PDE4D: variants seen among roughly 807,000 people sequenced by gnomAD.
PDE4D encodes the protein 3',5'-cyclic-AMP phosphodiesterase 4D.
A neutral mutation model predicts 87.4 loss-of-function variants in PDE4D; 24 were observed. That is an observed-to-expected ratio of 0.27 (90% CI 0.20 to 0.39). The LOEUF is 0.39. PDE4D is among the 10% of genes least tolerant of loss of function. PDE4D has a pLI of 1.00. For synonymous variants in PDE4D, 384 were observed against 383.2 expected, an observed-to-expected ratio of 1.00 and a Z score of -0.02; for missense variants, 714 against 1,041.0, an observed-to-expected ratio of 0.69 and a Z score of 4.32.
intron 2 of PDE4D, among the ~76,000 whole-genome samples, chr5:60,136,224 G>A (rs545613135): frequency 2.6e-5 from 4 of 152,084 alleles, no homozygotes; most frequent in East Asian, 1.9e-4. Context: ...CTGTACTTGC[G>A]CTACTGCTTT....
At chr5:59,295,137 T>G (rs1768805262) in intron 1 of PDE4D, among the ~76,000 whole-genome samples, 1 of 152,328 alleles carries the variant, frequency 6.6e-6, no homozygotes, top group South Asian at 2.1e-4. Context: ...AAAGCGTCCA[T>G]GAACCATTTG....
At chr5:59,277,882 C>A (rs1035424913) in intron 1 of PDE4D, among the ~76,000 whole-genome samples, 8 of 152,142 alleles carry the variant, frequency 5.3e-5, no homozygotes, top group Admixed American at 2.6e-4. Flanking sequence ...GAAAACCTAA[C>A]ACACTTATTG....
At chr5:60,139,648 A>G (rs1330204201) in intron 2 of PDE4D, among the ~76,000 whole-genome samples, 2 of 152,058 alleles carry the variant, frequency 1.3e-5, no homozygotes, top group South Asian at 2.1e-4. Context: ...AAAGGAAGGG[A>G]AAAATAGGCT....
At chr5:59,132,316 T>G (rs1211301976) in intron 5 of PDE4D, among the ~76,000 whole-genome samples, 1 of 152,174 alleles carries the variant, frequency 6.6e-6, no homozygotes, top group Non-Finnish European at 1.5e-5. Flanking sequence ...TGATTTCCCT[T>G]GGCTCTTGTC....
intron 1 of PDE4D, among the ~76,000 whole-genome samples, chr5:59,668,964 C>T (rs1341436278): frequency 2.6e-5 from 4 of 151,882 alleles, no homozygotes; most frequent in Non-Finnish European, 1.5e-5. Context: ...AACAGGCCTA[C>T]TGAGGGTCAC....
chr5:60,142,584 G>T (rs1483723671), intron 2 of PDE4D, among the ~76,000 whole-genome samples: 2 of 152,146 alleles, frequency 1.3e-5, no homozygotes, highest in Non-Finnish European at 2.9e-5. Context: ...CATGAGCCAG[G>T]GTTCTGACAG....
At chr5:60,111,990 T>C (rs1168808040) in intron 2 of PDE4D, among the ~76,000 whole-genome samples, 1 of 152,068 alleles carries the variant, frequency 6.6e-6, no homozygotes, top group East Asian at 1.9e-4. Context: ...AAGCTATTTT[T>C]ATCTCATCTT....
At chr5:60,364,828 A>G (rs999304667) in intron 1 of PDE4D, among the ~76,000 whole-genome samples, 16 of 152,230 alleles carry the variant, frequency 1.1e-4, no homozygotes, top group African/African-American at 3.1e-4. Context: ...TAAAACCAAA[A>G]TATACAGATT....
intron 1 of PDE4D, among the ~76,000 whole-genome samples, chr5:59,543,671 T>C (rs1816755531): frequency 6.7e-6 from 1 of 148,806 alleles, no homozygotes; most frequent in South Asian, 2.1e-4. Context: ...CACAAGTCAA[T>C]GTGTCTCCTG....
At chr5:59,227,869 A>G (rs1176908902) in intron 1 of PDE4D, among the ~76,000 whole-genome samples, 1 of 152,204 alleles carries the variant, frequency 6.6e-6, no homozygotes, top group African/African-American at 2.4e-5. Context: ...TAAAAACAGA[A>G]CTACCATTCA....
intron 1 of PDE4D, among the ~76,000 whole-genome samples, chr5:59,614,154 C>T (rs1456293816): frequency 6.6e-6 from 1 of 152,178 alleles, no homozygotes; most frequent in African/African-American, 2.4e-5. Flanking sequence ...TTCTTAGTCA[C>T]TGCCCTGACT....
At chr5:59,949,832 C>T (rs907438401) in intron 3 of PDE4D, among the ~76,000 whole-genome samples, 2 of 152,134 alleles carry the variant, frequency 1.3e-5, no homozygotes, top group African/African-American at 4.8e-5. Context: ...CCTTATATAA[C>T]TGTAGACCTA....
chr5:59,094,646 A>T (rs1483772416), intron 5 of PDE4D, among the ~76,000 whole-genome samples: 2 of 152,204 alleles, frequency 1.3e-5, no homozygotes, highest in Non-Finnish European at 2.9e-5. Context: ...ACACAGAAAA[A>T]GATCAGGATT....
chr5:59,245,701 C>T (rs192383884), intron 1 of PDE4D, among the ~76,000 whole-genome samples: 36 of 152,242 alleles, frequency 2.4e-4, no homozygotes, highest in African/African-American at 7.2e-4. Context: ...AATCCTGGTT[C>T]TGCCAGGAGC....
upstream of PDE4D, among the ~76,000 whole-genome samples, chr5:60,491,989 G>T (rs152312): frequency 4.4e-3 from 663 of 152,150 alleles, 6 homozygotes; most frequent in African/African-American, 0.015. Flanking sequence ...GAAAATTGTC[G>T]GGAGGGATAG....
chr5:60,396,449 T>A (rs1177233644), intron 1 of PDE4D, among the ~76,000 whole-genome samples: 1 of 152,176 alleles, frequency 6.6e-6, no homozygotes, highest in Non-Finnish European at 1.5e-5. Flanking sequence ...AAACCAGGGA[T>A]TACCCCATCT....
intron 1 of PDE4D, among the ~76,000 whole-genome samples, chr5:59,516,161 A>C (rs925283928): frequency 3.3e-5 from 5 of 152,148 alleles, no homozygotes; most frequent in African/African-American, 1.2e-4. Context: ...CCAGCCCAAT[A>C]GGGAAAAAGG....
chr5:60,011,441 A>T (rs1765012406), intron 2 of PDE4D, among the ~76,000 whole-genome samples: 2 of 152,176 alleles, frequency 1.3e-5, no homozygotes, highest in Admixed American at 6.6e-5. Flanking sequence ...AAGTCTGGTT[A>T]AAAATGACTG....
chr5:59,595,228 T>C (rs2153704556), intron 1 of PDE4D, among the ~76,000 whole-genome samples: 1 of 152,332 alleles, frequency 6.6e-6, no homozygotes, highest in Non-Finnish European at 1.5e-5. Context: ...TTAACACATA[T>C]TTTGACAATC....
Sources: allele counts gnomAD v4.1 joint callset (sites outside exome capture counted in the v4.1 genomes callset), GRCh38; gene constraint gnomAD v4.1.1; transcripts MANE v1.5; gene names NCBI Gene and HGNC (gene_info 2026-07-23, HGNC 2026-07-21).